Variants in DCHS2 observed in about 807,000 individuals in gnomAD.
The protein encoded by DCHS2 is protocadherin-23.
Under a neutral mutation model 182.4 loss-of-function variants are expected in DCHS2, and 142 were observed. That is an observed-to-expected ratio of 0.78 (90% CI 0.68 to 0.89). The LOEUF (loss-of-function observed/expected upper bound fraction) is 0.89, where lower values mean the gene tolerates loss of function less well. DCHS2 is among the 40% of genes least tolerant of loss of function. The pLI is 0.00. For missense variants in DCHS2, 4,319 were observed against 4,198.6 expected, an observed-to-expected ratio of 1.03 and a Z score of -0.79; for synonymous variants, 1,740 against 1,663.3, an observed-to-expected ratio of 1.05 and a Z score of -1.12.
chr4:154,428,592 A>G (rs1465648436), intron 1 of DCHS2, among the ~76,000 whole-genome samples: 1 of 152,082 alleles, frequency 6.6e-6, no homozygotes, highest in Non-Finnish European at 1.5e-5. Context: ...AGGTTTGGTA[A>G]ATATGTGGTT....
In DCHS2 at chr4:154,405,143, G is replaced by A. The variant is rs554279694; in HGVS notation, c.2053-27699C>T. Among the ~76,000 whole-genome samples, 20 of 152,176 alleles carry A rather than the reference G, an allele frequency of 1.3e-4. No homozygotes were observed. The South Asian group carries it at 3.3e-3, about 25-fold the overall frequency. On this transcript the variant is annotated intron_variant, in intron 1 of 19. Coordinates refer to ENST00000357232, the MANE Select transcript of DCHS2 (RefSeq NM_001358235.2). ...CGGTCACCTGTAATCCCATCTGCTC[G>A]GGAGGCAGAGGCAGGAAAATCGCTT...
chr4:154,295,508 G>A (rs1249183745), intron 13 of DCHS2, among the ~76,000 whole-genome samples: 1 of 152,180 alleles, frequency 6.6e-6, no homozygotes, highest in East Asian at 1.9e-4. Context: ...TCCTTGGAAA[G>A]TATCGTTCTT....
At chr4:154,372,765 G>C (rs1221674364) in intron 2 of DCHS2, among the ~76,000 whole-genome samples, 1 of 152,166 alleles carries the variant, frequency 6.6e-6, no homozygotes, top group Admixed American at 6.5e-5. Flanking sequence ...CATGACTTAT[G>C]AGATAAATAG....
intron 2 of DCHS2, chr4:154,373,965 A>G: frequency 2.5e-6 from 4 of 1,588,236 alleles, no homozygotes; most frequent in Non-Finnish European, 3.4e-6. Context: ...CCTGAAAACA[A>G]TGAATTGATC....
chr4:154,491,169 A>G lies in DCHS2; in HGVS notation c.187T>C (p.Ser63Pro). 6.4e-7 allele frequency: 1 copy of G among 1,551,290 alleles called. No homozygotes were observed. The highest frequency in any genetic ancestry group is 2.0e-5 in the Admixed American group (1 of 50,996). The change falls in exon 1 of 20, where the codon TCT (serine) becomes CCT (proline). Residue 63 changes from serine (S) to proline (P), a missense_variant. By Grantham distance (74) the Ser-to-Pro change is moderately conservative. Transcript: ENST00000357232. The part of the protein sequence containing the change: ...HVWLWAASGS[S>P]AQLFNLTLSV... Reference sequence around the variant, plus strand: ...AGGGTGAGGTTGAACAACTGGGCAGAGGAGCCCGAGGCCGCCCACAGCCAC... The same window carrying G: ...AGGGTGAGGTTGAACAACTGGGCAGGGGAGCCCGAGGCCGCCCACAGCCAC...
intron 1 of DCHS2, among the ~76,000 whole-genome samples, chr4:154,450,997 T>C (rs1346750315): frequency 1.3e-5 from 2 of 152,274 alleles, no homozygotes; most frequent in Non-Finnish European, 1.5e-5. Context: ...CCTCTTTGGA[T>C]TTTGGAGGCA....
In DCHS2 at chr4:154,298,335, G is replaced by A. The variant is rs574594321; in HGVS notation, c.5979C>T (p.Asn1993=). The stretch of plus-strand genomic sequence containing the variant: ...GAGATCTGGCTTCACGGTCGAGGGT[G>A]TTGCTGGTTTTCAATGTGCCTGACA... ...DPMSGTLKTS[N]TLDREARSQH... is the part of the protein sequence containing the mutation. Residue 1993 remains asparagine, a synonymous_variant, in exon 13 of 20, where the codon AAC becomes AAT. Transcript: ENST00000357232. 1.2e-6 allele frequency: 2 copies of A among 1,614,190 alleles called. No individual in the cohort carries two copies. The highest frequency in any genetic ancestry group is 1.3e-5 in the African/African-American group (1 of 75,070).
intron 13 of DCHS2, among the ~76,000 whole-genome samples, chr4:154,277,230 T>A (rs1733891046): frequency 6.6e-6 from 1 of 152,156 alleles, no homozygotes; most frequent in African/African-American, 2.4e-5. Context: ...AAGGGTAGAA[T>A]ATACATCCAA....
At chr4:154,446,473 T>C (rs1315979098) in intron 1 of DCHS2, among the ~76,000 whole-genome samples, 2 of 152,180 alleles carry the variant, frequency 1.3e-5, no homozygotes, top group Non-Finnish European at 2.9e-5. Context: ...ACTGTAAAAA[T>C]AATGAGGCAG....
At chr4:154,369,662 T>A (rs1324039661) in intron 2 of DCHS2, among the ~76,000 whole-genome samples, 1 of 152,208 alleles carries the variant, frequency 6.6e-6, no homozygotes, top group African/African-American at 2.4e-5. Context: ...AATAATTTGT[T>A]ATACAGCAAT....
intron 1 of DCHS2, among the ~76,000 whole-genome samples, chr4:154,436,729 T>C (rs1733796065): frequency 1.3e-5 from 2 of 152,216 alleles, no homozygotes; most frequent in Admixed American, 6.5e-5. Context: ...TCTTTTACTG[T>C]TTTATGGTTC....
At chr4:154,292,671 G>T (rs187679285) in intron 13 of DCHS2, among the ~76,000 whole-genome samples, 81 of 152,192 alleles carry the variant, frequency 5.3e-4, no homozygotes, top group Admixed American at 9.2e-4. Context: ...TTTCAGACAT[G>T]CCTTCCTTTC....
chr4:154,329,480 G>T lies in DCHS2; in HGVS notation c.3918+43C>A. The stretch of plus-strand genomic sequence containing the variant: ...CCACAAGATGGTGCTCAAAACAAAT[G>T]ACTTAAGATATTACAAATTCATTGC... On this transcript the variant is annotated intron_variant, in intron 6 of 19. Transcript: ENST00000357232. 3 of 1,567,626 alleles carry T rather than the reference G, an allele frequency of 1.9e-6. No individual in the cohort carries two copies. The South Asian group carries it at 3.5e-5, about 18-fold the overall frequency.
At chr4:154,318,298 A>T (rs1735933667) in intron 9 of DCHS2, among the ~76,000 whole-genome samples, 1 of 151,712 alleles carries the variant, frequency 6.6e-6, no homozygotes. Flanking sequence ...TTTAAAGCAT[A>T]TGTATCTTAA....
At chr4:154,376,955 G>C (rs986984168) in intron 2 of DCHS2, among the ~76,000 whole-genome samples, 1 of 152,084 alleles carries the variant, frequency 6.6e-6, no homozygotes, top group Non-Finnish European at 1.5e-5. Flanking sequence ...AACTATAAAA[G>C]ACATGTTTTG....
intron 10 of DCHS2, among the ~76,000 whole-genome samples, chr4:154,306,150 C>A (rs919152740): frequency 4.6e-5 from 7 of 151,912 alleles, no homozygotes; most frequent in Admixed American, 3.3e-4. Context: ...GGACTGAGAG[C>A]TGAAAGGAGT....
intron 1 of DCHS2, among the ~76,000 whole-genome samples, chr4:154,464,876 C>T (rs1299588924): frequency 6.6e-6 from 1 of 152,156 alleles, no homozygotes; most frequent in Non-Finnish European, 1.5e-5. Context: ...TGAACCACAA[C>T]TTCCGCCCTT....
At chr4:154,332,017 A>C (rs894481990) in intron 5 of DCHS2, among the ~76,000 whole-genome samples, 1 of 152,238 alleles carries the variant, frequency 6.6e-6, no homozygotes, top group Non-Finnish European at 1.5e-5. Flanking sequence ...TGAAATCTTA[A>C]CCAATGAATT....
intron 3 of DCHS2, among the ~76,000 whole-genome samples, chr4:154,354,526 G>C (rs1382494018): frequency 3.3e-5 from 5 of 152,132 alleles, no homozygotes; most frequent in East Asian, 1.9e-4. Flanking sequence ...CTGTATTGCT[G>C]TCTCTTTAGT....
Sources: allele counts gnomAD v4.1 joint callset (sites outside exome capture counted in the v4.1 genomes callset), GRCh38; gene constraint gnomAD v4.1.1; transcripts MANE v1.5; gene names NCBI Gene and HGNC (gene_info 2026-07-23, HGNC 2026-07-21).